Variants in CRY2 observed in about 807,000 individuals in gnomAD.
The protein encoded by CRY2 is cryptochrome-2.
A neutral mutation model predicts 69.5 loss-of-function variants in CRY2; 31 were observed. That is an observed-to-expected ratio of 0.45 (90% CI 0.34 to 0.60). CRY2 has a LOEUF of 0.60. CRY2 is among the 20% of genes least tolerant of loss of function. CRY2 has a pLI of 0.02. For synonymous variants in CRY2, 303 were observed against 312.2 expected, an observed-to-expected ratio of 0.97 and a Z score of 0.31; for missense variants, 606 against 797.8, an observed-to-expected ratio of 0.76 and a Z score of 2.90.
At chr11:45,873,875 C>T (rs962081391) in intron 11 of CRY2, among the ~76,000 whole-genome samples, 2 of 152,254 alleles carry the variant, frequency 1.3e-5, no homozygotes, top group Middle Eastern at 3.4e-3. Context: ...GTGAGCAGGG[C>T]GCTTAGGACA....
chr11:45,854,702 A>G (rs936075101), intron 1 of CRY2, among the ~76,000 whole-genome samples: 3 of 152,160 alleles, frequency 2.0e-5, no homozygotes, highest in Non-Finnish European at 2.9e-5. Flanking sequence ...AAGTAAATAA[A>G]TAAATAAAAA....
intron 11 of CRY2, among the ~76,000 whole-genome samples, chr11:45,878,549 A>G (rs959810628): frequency 1.3e-5 from 2 of 152,234 alleles, no homozygotes; most frequent in Non-Finnish European, 2.9e-5. Flanking sequence ...TAATACATAC[A>G]TTTGTAGCAA....
chr11:45,865,647 G>A (rs1290963433), intron 5 of CRY2, among the ~76,000 whole-genome samples: 3 of 152,142 alleles, frequency 2.0e-5, no homozygotes, highest in African/African-American at 7.2e-5. Context: ...CAGAGGCAAA[G>A]GCCAGTGAGA....
intron 11 of CRY2, among the ~76,000 whole-genome samples, chr11:45,872,607 A>C (rs1318366263): frequency 6.6e-6 from 1 of 152,090 alleles, no homozygotes; most frequent in Non-Finnish European, 1.5e-5. Context: ...TAATAATAAT[A>C]ATCTGGTGGG....
intron 5 of CRY2, among the ~76,000 whole-genome samples, chr11:45,863,443 C>T (rs774662244): frequency 1.3e-5 from 2 of 151,898 alleles, no homozygotes; most frequent in Non-Finnish European, 2.9e-5. Context: ...AGGGCCCTTA[C>T]GCCATGGACA....
At chr11:45,871,348 T>C (rs1415502401) in intron 10 of CRY2, among the ~76,000 whole-genome samples, 1 of 152,180 alleles carries the variant, frequency 6.6e-6, no homozygotes, top group Non-Finnish European at 1.5e-5. Flanking sequence ...TGTAGCGGCA[T>C]GTCCCAGTGA....
At position 45,869,814 on chromosome 11, in the gene CRY2, C is replaced by A; in HGVS notation, c.1191C>A (p.Val397=). 8 of 1,604,036 alleles carry A rather than the reference C, an allele frequency of 5.0e-6. No homozygotes were observed. Among genetic ancestry groups the A allele is most frequent in the Non-Finnish European group, 6.8e-6 (8 of 1,173,260 alleles). The change falls in exon 7 of 12, where the codon GTC becomes GTA. Residue 397 remains valine (V), a synonymous_variant. Coordinates refer to ENST00000616080, the MANE Select transcript of CRY2 (RefSeq NM_021117.5). ...TCTGGGTCAGCTGGGAGAGCGGGGT[C>A]CGGGTGAGTGCTCTCTCAACGAAAA... ...GDLWVSWESG[V]RVFDELLLDA...
At chr11:45,861,955 G>GA (rs1282146622) in intron 4 of CRY2, 105 bp from the exon 5 acceptor site, 1 of 955,828 alleles carries the variant, frequency 1.0e-6, no homozygotes, top group East Asian at 2.6e-5. Context: ...GTAGCACCGA[G>GA]ACACTGTGGT....
Position 45,847,538 on chromosome 11 carries a change from G to T in CRY2, c.48G>T (p.Ala16=). The T allele has an allele frequency of 6.3e-7, 1 of 1,586,708 alleles. No homozygotes were observed. The change falls in exon 1 of 12, where the codon GCG becomes GCT. Residue 16 remains alanine, a synonymous_variant. Transcript: ENST00000616080. Reference sequence around the variant, plus strand: ...CGGCAGCTGTGGCCCCGGCGCCAGCGCCCGGCACGGACAGCGCCTCTTCGG... The same window carrying T: ...CGGCAGCTGTGGCCCCGGCGCCAGCTCCCGGCACGGACAGCGCCTCTTCGG... ...ATAAAVAPAP[A]PGTDSASSVH...
chr11:45,879,502 A>G (rs2086451697), intron 11 of CRY2, among the ~76,000 whole-genome samples: 1 of 152,246 alleles, frequency 6.6e-6, no homozygotes, highest in African/African-American at 2.4e-5. Context: ...ATTTCTTCTA[A>G]AAGTCTTCTT....
At chr11:45,867,404 TTAAAG>T (rs1299653954) in intron 5 of CRY2, 3 of 580,522 alleles carry the variant, frequency 5.2e-6, no homozygotes, top group Non-Finnish European at 9.0e-6. Flanking sequence ...ACCCCACAAA[TTAAAG>T]AGCAAGTCAG....
At chr11:45,871,959 G>A in intron 10 of CRY2, 133 bp from the exon 11 acceptor site, 1 of 1,298,386 alleles carries the variant, frequency 7.7e-7, no homozygotes, top group Non-Finnish European at 1.1e-6. Context: ...CGAGGGGCAG[G>A]TCTGAGGAGC....
chr11:45,867,247 G>T (rs1423708952), intron 5 of CRY2, among the ~76,000 whole-genome samples: 1 of 152,208 alleles, frequency 6.6e-6, no homozygotes, highest in Non-Finnish European at 1.5e-5. Flanking sequence ...CTGTAACATA[G>T]AAGCCTTGTT....
At chr11:45,870,240 A>G (rs748727412) in intron 8 of CRY2, 36 bp downstream of exon 8, 1 of 1,610,578 alleles carries the variant, frequency 6.2e-7, no homozygotes, top group Admixed American at 1.7e-5. Flanking sequence ...GCCTCTGACC[A>G]CTGTGGCCTC....
At chr11:45,873,486 A>G (rs2086402497) in intron 11 of CRY2, among the ~76,000 whole-genome samples, 1 of 152,240 alleles carries the variant, frequency 6.6e-6, no homozygotes, top group Non-Finnish European at 1.5e-5. Context: ...GATACTAAGC[A>G]AAGTTCATCC....
chr11:45,867,487 T>C, intron 5 of CRY2, 125 bp from the exon 6 acceptor site: 2 of 1,251,850 alleles, frequency 1.6e-6, no homozygotes, highest in Non-Finnish European at 2.2e-6. Flanking sequence ...ACAAGCACAG[T>C]GTTCCATGGC....
intron 11 of CRY2, among the ~76,000 whole-genome samples, chr11:45,872,680 A>T (rs955707015): frequency 6.6e-6 from 1 of 152,234 alleles, no homozygotes; most frequent in Admixed American, 6.5e-5. Flanking sequence ...TCAGAGATTT[A>T]AAAGTCAAGC....
Position 45,847,507 on chromosome 11 carries a change from C to G in CRY2, c.17C>G (p.Ala6Gly), listed in dbSNP as rs752759191. The G allele has an allele frequency of 6.3e-7, 1 of 1,593,264 alleles. No homozygotes were observed. The highest frequency in any genetic ancestry group is 2.3e-5 in the East Asian group (1 of 44,364). Residue 6 changes from alanine (A) to glycine (G), a missense_variant, in exon 1 of 12, where the codon GCG (alanine) becomes GGG (glycine). Coordinates refer to ENST00000616080, the MANE Select transcript of CRY2 (RefSeq NM_021117.5). Reference protein sequence around the residue: MAATVATAAAVAPAPA... With the variant: MAATVGTAAAVAPAPA... ...TGGACAGTCATGGCGGCGACTGTGG[C>G]GACGGCGGCAGCTGTGGCCCCGGCG...
chr11:45,860,987 G>A lies in CRY2; in HGVS notation c.607G>A (p.Glu203Lys). The change falls in exon 4 of 12, where the codon GAG becomes AAG. Residue 203 changes from glutamate (E) to lysine (K), a missense_variant. Around this residue, in one of 5 missense-constraint regions of CRY2, gnomAD observed 382 missense variants for 508.9 expected, o/e 0.75. Transcript: ENST00000616080. ...QMESCRAEIQ[E>K]NHDETYGVPS... ...GGAGAGCTGCAGGGCCGAGATCCAG[G>A]AGAACCACGACGAGACCTACGGCGT... 6.2e-7 allele frequency: 1 copy of A among 1,613,928 alleles called. No homozygotes were observed. The highest frequency in any genetic ancestry group is 8.5e-7 in the Non-Finnish European group (1 of 1,180,046).
Sources: gnomAD v4.1 joint callset for allele counts (sites outside exome capture counted in the v4.1 genomes callset) on GRCh38, gnomAD v4.1.1 for gene constraint, gnomAD v4.1.1 regional missense constraint, MANE v1.5 for transcripts, NCBI Gene and HGNC (gene_info 2026-07-23, HGNC 2026-07-21) for gene names.